ANKS1B: variants seen among roughly 807,000 people sequenced by gnomAD.
ANKS1B encodes ankyrin repeat and sterile alpha motif domain-containing protein 1B.
A neutral mutation model predicts 148.3 loss-of-function variants in ANKS1B; 36 were observed. The observed-to-expected ratio is 0.24, with a 90% CI of 0.19 to 0.32. The LOEUF (loss-of-function observed/expected upper bound fraction) is 0.32. Ranked by LOEUF, ANKS1B falls within the 10% of genes least tolerant of loss-of-function variation. The pLI, the probability that ANKS1B is intolerant of heterozygous loss-of-function variation, is 1.00. For missense variants in ANKS1B, 1,157 were observed against 1,542.6 expected (o/e 0.75, Z 4.19); for synonymous variants, 542 against 560.8 (o/e 0.97, Z 0.47).
intron 8 of ANKS1B, among the ~76,000 whole-genome samples, chr12:99,752,423 C>T (rs2061192228): frequency 6.6e-6 from 1 of 151,872 alleles, no homozygotes; most frequent in Non-Finnish European, 1.5e-5. Flanking sequence ...GGAAATGCCT[C>T]AGTCGTTTTT....
At chr12:99,762,463 G>A (rs1446029468) in intron 8 of ANKS1B, among the ~76,000 whole-genome samples, 1 of 151,462 alleles carries the variant, frequency 6.6e-6, no homozygotes, top group Non-Finnish European at 1.5e-5. Flanking sequence ...AATAGTGCTG[G>A]GATACCTGGC....
chr12:99,187,189 G>GA (rs2079981083), intron 14 of ANKS1B, among the ~76,000 whole-genome samples: 1 of 151,876 alleles, frequency 6.6e-6, no homozygotes, highest in Non-Finnish European at 1.5e-5. Context: ...GGGACTATGT[G>GA]AAAAGACCAA....
At chr12:98,973,438 T>C (rs2099885351) in intron 17 of ANKS1B, among the ~76,000 whole-genome samples, 2 of 152,202 alleles carry the variant, frequency 1.3e-5, no homozygotes, top group Admixed American at 6.5e-5. Context: ...TATCTGAGGT[T>C]TTGCTTTCTG....
intron 1 of ANKS1B, among the ~76,000 whole-genome samples, chr12:99,936,267 C>A (rs1037022592): frequency 6.6e-6 from 1 of 152,154 alleles, no homozygotes; most frequent in Non-Finnish European, 1.5e-5. Flanking sequence ...AAGATGAGAA[C>A]AAAAATTCTC....
chr12:99,674,270 T>A (rs1023435726), intron 8 of ANKS1B, among the ~76,000 whole-genome samples: 10 of 151,978 alleles, frequency 6.6e-5, no homozygotes, highest in Middle Eastern at 3.4e-3. Context: ...ATACATAAAG[T>A]GAGGGCTGAA....
At chr12:99,417,670 T>G (rs1281624531) in intron 11 of ANKS1B, among the ~76,000 whole-genome samples, 2 of 152,190 alleles carry the variant, frequency 1.3e-5, no homozygotes, top group African/African-American at 2.4e-5. Context: ...AGTCTTCTAA[T>G]CCATAAACAG....
chr12:99,008,796 G>T (rs2099937631), intron 17 of ANKS1B, among the ~76,000 whole-genome samples: 1 of 152,206 alleles, frequency 6.6e-6, no homozygotes, highest in Non-Finnish European at 1.5e-5. Flanking sequence ...GGAGAAGATG[G>T]AATGAGTGGA....
intron 17 of ANKS1B, among the ~76,000 whole-genome samples, chr12:98,933,786 A>G (rs1403890502): frequency 6.6e-6 from 1 of 151,942 alleles, no homozygotes; most frequent in Non-Finnish European, 1.5e-5. Flanking sequence ...TGTCATTTGC[A>G]TGTCCTCTTT....
intron 11 of ANKS1B, among the ~76,000 whole-genome samples, chr12:99,400,479 G>A (rs1426964326): frequency 1.4e-5 from 2 of 145,150 alleles, no homozygotes; most frequent in African/African-American, 2.6e-5. Flanking sequence ...TGGAGTAATA[G>A]CAGATATAAT....
intron 9 of ANKS1B, among the ~76,000 whole-genome samples, chr12:99,556,518 C>T (rs1395229761): frequency 2.0e-5 from 3 of 151,846 alleles, no homozygotes; most frequent in Non-Finnish European, 2.9e-5. Flanking sequence ...TTTTCTAGTT[C>T]CTCTAGGTGT....
intron 17 of ANKS1B, among the ~76,000 whole-genome samples, chr12:98,886,617 G>T (rs975825952): frequency 1.3e-5 from 2 of 152,104 alleles, no homozygotes; most frequent in African/African-American, 2.4e-5. Context: ...ATCATATTGT[G>T]GAAAATTCTT....
chr12:99,320,554 A>C (rs1276109354), intron 12 of ANKS1B, among the ~76,000 whole-genome samples: 4 of 152,154 alleles, frequency 2.6e-5, no homozygotes, highest in Non-Finnish European at 2.9e-5. Flanking sequence ...CGGTCATTTA[A>C]GGTCTTCTCT....
At chr12:98,757,335 C>T (rs572319798) in intron 25 of ANKS1B, among the ~76,000 whole-genome samples, 9 of 152,210 alleles carry the variant, frequency 5.9e-5, no homozygotes, top group South Asian at 2.1e-4. Flanking sequence ...AGGACTGCCA[C>T]GCCCAGCCCA....
At chr12:99,813,199 C>T (rs2068648029) in intron 2 of ANKS1B, among the ~76,000 whole-genome samples, 1 of 151,506 alleles carries the variant, frequency 6.6e-6, no homozygotes, top group Admixed American at 6.6e-5. Flanking sequence ...AAGTAAAAAT[C>T]CTGACCTGCA....
chr12:99,069,496 G>C (rs2045608045), intron 16 of ANKS1B, among the ~76,000 whole-genome samples: 1 of 152,214 alleles, frequency 6.6e-6, no homozygotes. Context: ...TAAAGAAGGG[G>C]TTGAGGGTTA....
chr12:99,642,556 C>A (rs1334612305), intron 9 of ANKS1B, among the ~76,000 whole-genome samples: 1 of 152,168 alleles, frequency 6.6e-6, no homozygotes, highest in Admixed American at 6.5e-5. Context: ...TGGCTTATGT[C>A]TGTAATTCCA....
intron 17 of ANKS1B, among the ~76,000 whole-genome samples, chr12:98,991,988 T>A (rs1009624137): frequency 6.6e-5 from 10 of 152,152 alleles, no homozygotes. Context: ...AGACAGTGTG[T>A]AGGAAGTGAC....
In ANKS1B at chr12:99,833,594, T is replaced by A. The variant is rs551247937; in HGVS notation, c.135-8205A>T. On this transcript the variant is annotated intron_variant, in intron 1 of 26. Coordinates refer to ENST00000683438, the MANE Select transcript of ANKS1B (RefSeq NM_001352186.2). ...CCACTAGAAAAAGCTGCAAGGGCAG[T>A]AGTATCTTCTGGCAGGAGCCAAGTT... is the stretch of plus-strand genomic sequence containing the variant. 5.4e-4 allele frequency among the ~76,000 whole-genome samples: 82 copies of A among 152,324 alleles called. 1 individual carries two copies. The highest frequency in any genetic ancestry group is 1.7e-3 in the African/African-American group (72 of 41,584).
intron 1 of ANKS1B, among the ~76,000 whole-genome samples, chr12:99,856,673 A>G (rs2153712369): frequency 6.6e-6 from 1 of 152,320 alleles, no homozygotes; most frequent in East Asian, 1.9e-4. Flanking sequence ...CATATCAAAA[A>G]GATAATCCAC....
Sources: allele counts gnomAD v4.1 joint callset (sites outside exome capture counted in the v4.1 genomes callset), GRCh38; gene constraint gnomAD v4.1.1; transcripts MANE v1.5; gene names NCBI Gene and HGNC (gene_info 2026-07-23, HGNC 2026-07-21).